The following EVC2 variants were observed in gnomAD, a reference collection of about 807,000 sequenced individuals.
EVC2 encodes the protein EvC ciliary complex subunit 2.
Under a neutral mutation model 149.3 loss-of-function variants are expected in EVC2, and 148 were observed. That is an observed-to-expected ratio of 0.99 (90% CI 0.87 to 1.14). EVC2 has a LOEUF of 1.14. Ranked by LOEUF, EVC2 falls within the 50% of genes most tolerant of loss-of-function variation. EVC2 has a pLI of 0.00. For synonymous variants in EVC2, 776 were observed against 649.9 expected (o/e 1.19, Z -2.95); for missense variants, 1,854 against 1,627.3 (o/e 1.14, Z -2.40).
rs201171209 is a variant in EVC2, at chr4:5,622,959, G to T, written c.2079C>A (p.Val693=). The change falls in exon 14 of 22, where the codon GTC becomes GTA. Residue 693 remains valine (V), a synonymous_variant. Transcript: ENST00000344408. This position sits in a 1 kb window ranked among gnomAD's most constrained non-coding sequence, Gnocchi z 5.8. ...HREQRREQAS[V]GEAFRTVEDA... is the part of the protein sequence containing the mutation. ...CCTCAACCGTTCGGAAGGCCTCGCC[G>T]ACGGACGCCTGCTCCCTACGCTGCT... 3.1e-6 allele frequency: 5 copies of T among 1,614,036 alleles called. No homozygotes were observed. Among genetic ancestry groups the T allele is most frequent in the Non-Finnish European group, 4.2e-6 (5 of 1,179,980 alleles).
chr4:5,674,073 C>T (rs1410203858), intron 7 of EVC2, among the ~76,000 whole-genome samples: 1 of 141,916 alleles, frequency 7.0e-6, no homozygotes, highest in African/African-American at 2.6e-5. Flanking sequence ...GAATCATTTA[C>T]TTGAAATCTT....
intron 20 of EVC2, among the ~76,000 whole-genome samples, chr4:5,568,227 T>C (rs1722417611): frequency 7.3e-6 from 1 of 137,578 alleles, no homozygotes; most frequent in African/African-American, 2.5e-5. Flanking sequence ...TTCCTCTTTT[T>C]ATGCATTTTT....
At chr4:5,566,083 C>T (rs1722267366) in intron 20 of EVC2, among the ~76,000 whole-genome samples, 1 of 152,260 alleles carries the variant, frequency 6.6e-6, no homozygotes, top group African/African-American at 2.4e-5. Context: ...GGGAGCTCCA[C>T]AACTGCTTTA....
chr4:5,694,600 T>G, intron 2 of EVC2, 99 bp from the exon 3 acceptor site: 1 of 1,381,092 alleles, frequency 7.2e-7, no homozygotes, highest in South Asian at 1.2e-5. Context: ...TGGAAGGTAC[T>G]TAGAAGACGT....
downstream of EVC2, among the ~76,000 whole-genome samples, chr4:5,540,020 A>C (rs1721487335): frequency 6.6e-6 from 1 of 152,266 alleles, no homozygotes; most frequent in South Asian, 2.1e-4. Flanking sequence ...ATGAACTCTC[A>C]AAACTCAAAT....
chr4:5,674,561 C>A (rs1719868924), intron 7 of EVC2, among the ~76,000 whole-genome samples: 1 of 152,150 alleles, frequency 6.6e-6, no homozygotes, highest in South Asian at 2.1e-4. Context: ...GCCAAGGGCA[C>A]AACTAGCTGG....
rs544397395 is a variant in EVC2 at position 5,708,392 on chromosome 4, G to T, written c.122C>A (p.Pro41His). 4.6e-3 allele frequency: 6,934 copies of T among 1,496,282 alleles called. 24 individuals are homozygous for T. Among genetic ancestry groups the T allele is most frequent in the Non-Finnish European group, 5.3e-3 (6,041 of 1,130,300 alleles). The allele number at this position is 1,496,282 out of a possible 1,614,324, so 92.7% of individuals were successfully genotyped here. Residue 41 changes from proline to histidine, a missense_variant, in exon 1 of 22, where the codon CCC becomes CAC. Transcript: ENST00000344408. ...ATCCCGGGGTGGCTGCGCGCCGAGG[G>T]GGCGCCAGCGGGGACGTGAGCTGGC... ...LGASSRPRWR[P>H]LGAQPPRDPQ...
chr4:5,668,543 A>G (rs1719424442), intron 7 of EVC2, among the ~76,000 whole-genome samples: 1 of 152,190 alleles, frequency 6.6e-6, no homozygotes, highest in Non-Finnish European at 1.5e-5. Context: ...TACCTACTAG[A>G]CAAGAAAAAA....
chr4:5,679,351 T>A lies in EVC2; in HGVS notation c.870+1909A>T, dbSNP rs1226573280. 2.0e-5 allele frequency among the ~76,000 whole-genome samples: 3 copies of A among 152,142 alleles called. No homozygotes were observed. The highest frequency in any genetic ancestry group is 7.2e-5 in the African/African-American group (3 of 41,440). ...CCCAGGTTCAAGCAATTCGCATGTC[T>A]CAGTCTCCCGAGTAGCTGGAATCAC... is the stretch of plus-strand genomic sequence containing the variant. On this transcript the variant is annotated intron_variant, in intron 7 of 21. Transcript: ENST00000344408. The surrounding 1 kb of genome is among the most constrained non-coding windows in gnomAD (Gnocchi z 5.1).
intron 9 of EVC2, among the ~76,000 whole-genome samples, chr4:5,646,516 C>T (rs1451125081): frequency 6.6e-6 from 1 of 152,108 alleles, no homozygotes; most frequent in Non-Finnish European, 1.5e-5. Flanking sequence ...ATTTCTTCTG[C>T]ATTTTTTAAG....
In EVC2 at chr4:5,633,045, AG is replaced by A. The variant is rs1716668845; in HGVS notation, c.1471-1014del. 6.6e-6 allele frequency among the ~76,000 whole-genome samples: 1 copy of A among 152,240 alleles called. No individual in the cohort carries two copies. The highest frequency in any genetic ancestry group is 1.5e-5 in the Non-Finnish European group (1 of 68,036). Reference sequence around the variant, plus strand: ...ATCAGTTGACTTTGAATTAATCAAAAGGAAGACTCTCCTGGGTGGGCCTGAC... The same window carrying A: ...ATCAGTTGACTTTGAATTAATCAAAAGAAGACTCTCCTGGGTGGGCCTGAC... On this transcript the variant is annotated intron_variant, in intron 10 of 21. Transcript: ENST00000344408. The surrounding 1 kb of genome is among the most constrained non-coding windows in gnomAD (Gnocchi z 4.4).
chr4:5,599,104 C>A (rs969078791), intron 16 of EVC2, among the ~76,000 whole-genome samples: 27 of 152,090 alleles, frequency 1.8e-4, no homozygotes, highest in African/African-American at 6.5e-4. Context: ...GAAATAGGAA[C>A]ACTTTTACAC....
intron 16 of EVC2, among the ~76,000 whole-genome samples, chr4:5,602,039 G>A (rs547074749): frequency 2.6e-5 from 4 of 152,254 alleles, no homozygotes; most frequent in Admixed American, 2.6e-4. Context: ...CTTTGGGAGG[G>A]CAAGGCAGAA....
chr4:5,673,895 T>C (rs1026741359), intron 7 of EVC2, among the ~76,000 whole-genome samples: 3 of 152,232 alleles, frequency 2.0e-5, no homozygotes, highest in Non-Finnish European at 2.9e-5. Context: ...GAAGCTATTT[T>C]ATTCTTCCAA....
intron 16 of EVC2, among the ~76,000 whole-genome samples, chr4:5,596,678 A>C (rs1713450681): frequency 6.6e-6 from 1 of 152,214 alleles, no homozygotes; most frequent in Non-Finnish European, 1.5e-5. Flanking sequence ...GTAAGAGCAA[A>C]CACATTCAAA....
At position 5,625,633 on chromosome 4, in the gene EVC2, C is replaced by T; in HGVS notation, c.2046+116G>A. ...AGTAGATGGCACATCATGGTGCCTG[C>T]CCAGCTGCCCTTCTGATCCTAGTTC... On this transcript the variant is annotated intron_variant, in intron 13 of 21. Transcript: ENST00000344408. This position sits in a 1 kb window ranked among gnomAD's most constrained non-coding sequence, Gnocchi z 4.0. The T allele has an allele frequency of 7.3e-7, 1 of 1,377,600 alleles. No homozygotes were observed. The highest frequency in any genetic ancestry group is 2.3e-5 in the East Asian group (1 of 43,068). The allele number at this position is 1,377,600 out of a possible 1,614,324, so 85.3% of individuals were successfully genotyped here.
downstream of EVC2, among the ~76,000 whole-genome samples, chr4:5,559,253 A>G (rs1484685428): frequency 1.3e-5 from 2 of 152,218 alleles, no homozygotes; most frequent in Non-Finnish European, 2.9e-5. This position sits in a 1 kb window ranked among gnomAD's most constrained non-coding sequence, Gnocchi z 5.0. Flanking sequence ...AGAATGATCC[A>G]TGGGGCAATG....
intron 7 of EVC2, among the ~76,000 whole-genome samples, chr4:5,669,004 C>A (rs930729470): frequency 6.6e-6 from 1 of 152,160 alleles, no homozygotes; most frequent in African/African-American, 2.4e-5. Flanking sequence ...TGTAGACACA[C>A]ACAGAAAAGA....
chr4:5,693,426 C>T (rs1721259177), intron 3 of EVC2, among the ~76,000 whole-genome samples: 1 of 152,200 alleles, frequency 6.6e-6, no homozygotes, highest in African/African-American at 2.4e-5. Flanking sequence ...ATAGAGAAGA[C>T]ACAGACACAG....
Sources: allele counts gnomAD v4.1 joint callset (sites outside exome capture counted in the v4.1 genomes callset), GRCh38; gene constraint gnomAD v4.1.1; non-coding constraint Gnocchi (gnomAD v3.1); transcripts MANE v1.5; gene names NCBI Gene and HGNC (gene_info 2026-07-23, HGNC 2026-07-21).